The following VSIG1 variants were observed in gnomAD, a reference collection of about 807,000 sequenced individuals.
The protein encoded by VSIG1 is V-set and immunoglobulin domain-containing protein 1.
A neutral mutation model predicts 20.1 loss-of-function variants in VSIG1; 11 were observed. The ratio of observed to expected loss-of-function variants is 0.55; its 90% CI spans 0.34 to 0.91. The LOEUF (loss-of-function observed/expected upper bound fraction) is 0.91, where lower values mean the gene tolerates loss of function less well. VSIG1 is among the 40% of genes least tolerant of loss of function. The pLI is 0.02. For missense variants in VSIG1, 283 were observed against 298.8 expected (o/e 0.95, Z 0.39); for synonymous variants, 126 against 116.7 (o/e 1.08, Z -0.52).
At chrX:108,040,501 C>T (rs2030462648), upstream of VSIG1, among the ~76,000 whole-genome samples, 1 of 112,007 alleles carries the variant, frequency 8.9e-6, no homozygotes, top group African/African-American at 3.2e-5. Context: ...GACAATTTTG[C>T]AGTCTACCAA....
At chrX:108,031,422 C>T in the VSIG1 span, among the ~76,000 whole-genome samples, 2 of 111,876 alleles carry the variant, frequency 1.8e-5, no homozygotes, top group Non-Finnish European at 3.8e-5. Flanking sequence ...AGCCTTGCCA[C>T]TTCCTGGCCA....
intron 2 of VSIG1, chrX:108,064,786 A>AG: frequency 5.3e-6 from 4 of 749,965 alleles, no homozygotes; most frequent in Non-Finnish European, 6.3e-6. Flanking sequence ...GCTGAACTCC[A>AG]GGTAAGAAAC....
the VSIG1 span, among the ~76,000 whole-genome samples, chrX:108,021,317 C>T: frequency 3.6e-5 from 4 of 111,243 alleles, no homozygotes; most frequent in Admixed American, 9.5e-5. Context: ...ATCTCAATGC[C>T]GTATATTTGT....
intron 1 of VSIG1, among the ~76,000 whole-genome samples, chrX:108,055,095 A>C (rs2030867179): frequency 9.0e-6 from 1 of 110,915 alleles, no homozygotes; most frequent in African/African-American, 3.3e-5. Context: ...TAAGACCCAA[A>C]TCACTAATAT....
At chrX:108,033,166 C>G in the VSIG1 span, among the ~76,000 whole-genome samples, 1 of 111,546 alleles carries the variant, frequency 9.0e-6, no homozygotes, top group Non-Finnish European at 1.9e-5. Context: ...TCATCAGATA[C>G]GCTGCTGTGT....
the VSIG1 span, among the ~76,000 whole-genome samples, chrX:108,033,829 G>A: frequency 8.1e-5 from 9 of 110,511 alleles, no homozygotes; most frequent in African/African-American, 2.3e-4. Flanking sequence ...AAAGCTCACT[G>A]CCTGAAAAAA....
chrX:108,027,763 G>A, the VSIG1 span, among the ~76,000 whole-genome samples: 32 of 111,528 alleles, frequency 2.9e-4, no homozygotes, highest in African/African-American at 1.0e-3. Context: ...GCAGAGAAAT[G>A]TTGGGTGCTT....
the VSIG1 span, among the ~76,000 whole-genome samples, chrX:108,028,870 GGTAGGAAACTAGA>G: frequency 1.8e-5 from 2 of 111,502 alleles, no homozygotes; most frequent in East Asian, 5.6e-4. Context: ...GAGGAAGGAT[GGTAGGAAACTAGA>G]AGGAATTAAT....
At chrX:108,022,468 A>G in the VSIG1 span, among the ~76,000 whole-genome samples, 5 of 111,803 alleles carry the variant, frequency 4.5e-5, no homozygotes, top group African/African-American at 1.6e-4. Context: ...AGGGTTTTCT[A>G]TATATGAGAT....
rs748125152 is a variant in VSIG1, at chrX:108,072,803, G to C, written c.539G>C (p.Arg180Thr). The change falls in exon 4 of 7, where the codon AGA becomes ACA. Residue 180 changes from arginine to threonine, a missense_variant. By Grantham distance (71) the Arg-to-Thr change is moderately conservative. Coordinates refer to ENST00000217957, the MANE Select transcript of VSIG1 (RefSeq NM_182607.5). ...TACTACTGGCATAAACTTGAGGGAA[G>C]AGACATCGTGCCAGTGAAAGAAAAC... Reference protein sequence around the residue: ...PVYYWHKLEGRDIVPVKENFN... With the variant: ...PVYYWHKLEGTDIVPVKENFN... 6 of 1,209,027 alleles carry C rather than the reference G, an allele frequency of 5.0e-6. No individual in the cohort carries two copies. In the African/African-American group the frequency reaches 1.1e-4, roughly 21 times the overall value.
At chrX:108,040,628 A>G (rs1052849655), upstream of VSIG1, among the ~76,000 whole-genome samples, 2 of 111,910 alleles carry the variant, frequency 1.8e-5, no homozygotes, top group African/African-American at 6.5e-5. Flanking sequence ...ACCATTGTCA[A>G]TAATATTGAA....
chrX:108,055,499 G>C (rs2030875887), intron 1 of VSIG1, among the ~76,000 whole-genome samples: 1 of 111,447 alleles, frequency 9.0e-6, no homozygotes, highest in Non-Finnish European at 1.9e-5. Flanking sequence ...GACAAAAACA[G>C]TACAAAAATA....
At chrX:108,065,833 A>G (rs2031114735) in intron 2 of VSIG1, among the ~76,000 whole-genome samples, 1 of 112,398 alleles carries the variant, frequency 8.9e-6, no homozygotes, top group Admixed American at 9.4e-5. Context: ...TTAAATGCCT[A>G]TACTTGGTAA....
the VSIG1 span, among the ~76,000 whole-genome samples, chrX:108,037,394 A>C: frequency 1.8e-5 from 2 of 111,876 alleles, no homozygotes; most frequent in Non-Finnish European, 3.8e-5. Context: ...TGGTGCCATA[A>C]GAATTACATT....
At chrX:108,047,959 CACAT>C (rs1299946297) in intron 1 of VSIG1, among the ~76,000 whole-genome samples, 546 of 14,803 alleles carry the variant, frequency 0.037, 57 homozygotes, top group South Asian at 0.049. Flanking sequence ...TATATACACA[CACAT>C]ATATATATAT....
At chrX:108,056,293 A>G (rs2030895860) in intron 1 of VSIG1, among the ~76,000 whole-genome samples, 1 of 111,920 alleles carries the variant, frequency 8.9e-6, no homozygotes, top group Admixed American at 9.5e-5. Flanking sequence ...AACACCTACA[A>G]GTAACCTACA....
At chrX:108,039,277 G>T in the VSIG1 span, among the ~76,000 whole-genome samples, 6 of 112,085 alleles carry the variant, frequency 5.4e-5, no homozygotes, top group Non-Finnish European at 1.1e-4. Context: ...CCAATTCCCG[G>T]ATTCAAGCGA....
At chrX:108,048,565 T>G (rs1233861076) in intron 1 of VSIG1, among the ~76,000 whole-genome samples, 1 of 112,366 alleles carries the variant, frequency 8.9e-6, no homozygotes, top group African/African-American at 3.2e-5. Context: ...ACTTTGCTAT[T>G]TATTCACAGT....
chrX:108,057,910 G>A (rs1343336378), intron 1 of VSIG1, 128 bp from the exon 2 acceptor site: 5 of 639,798 alleles, frequency 7.8e-6, no homozygotes, highest in African/African-American at 6.9e-5. Context: ...TTCTTGTATG[G>A]TTTATTCTAC....
Sources: allele counts gnomAD v4.1 joint callset (sites outside exome capture counted in the v4.1 genomes callset), GRCh38; gene constraint gnomAD v4.1.1; transcripts MANE v1.5; gene names NCBI Gene and HGNC (gene_info 2026-07-23, HGNC 2026-07-21).